PTPRD: variants seen among roughly 807,000 people sequenced by gnomAD.
PTPRD encodes receptor-type tyrosine-protein phosphatase delta.
A neutral mutation model predicts 214.5 loss-of-function variants in PTPRD; 34 were observed. The observed-to-expected ratio is 0.16, with a 90% CI of 0.12 to 0.21. PTPRD has a LOEUF of 0.21. Ranked by LOEUF, PTPRD falls within the 10% of genes least tolerant of loss-of-function variation. The probability of loss-of-function intolerance (pLI) is 1.00; values close to 1 mark genes in which losing one functional copy is unlikely to be tolerated. For missense variants in PTPRD, 2,545 were observed against 2,398.7 expected, an observed-to-expected ratio of 1.06 and a Z score of -1.27; for synonymous variants, 1,128 against 845.7, an observed-to-expected ratio of 1.33 and a Z score of -5.79.
intron 11 of PTPRD, among the ~76,000 whole-genome samples, chr9:8,930,862 C>T (rs1161412803): frequency 6.6e-6 from 1 of 152,062 alleles, no homozygotes; most frequent in African/African-American, 2.4e-5. Context: ...TGGATATTAG[C>T]CCTTTGTCAG....
At chr9:8,329,716 CCCAGGGAGGAGTAAT>C (rs1272062054) in intron 44 of PTPRD, among the ~76,000 whole-genome samples, 2 of 152,054 alleles carry the variant, frequency 1.3e-5, no homozygotes, top group Non-Finnish European at 2.9e-5. Context: ...AGATGCCCTG[CCCAGGGAGGAGTAAT>C]CCAGAGAAGC....
intron 5 of PTPRD, among the ~76,000 whole-genome samples, chr9:9,831,391 G>A (rs147179434): frequency 1.3e-5 from 2 of 151,976 alleles, no homozygotes; most frequent in African/African-American, 4.8e-5. Context: ...GAATTCACAA[G>A]GTTACTACAT....
chr9:9,488,179 G>A (rs758677660), intron 8 of PTPRD, among the ~76,000 whole-genome samples: 5 of 152,110 alleles, frequency 3.3e-5, no homozygotes, highest in African/African-American at 9.7e-5. Context: ...AGATGAATAT[G>A]TATTTCCTTA....
chr9:9,780,410 A>G (rs2181715), intron 5 of PTPRD, among the ~76,000 whole-genome samples: 63,233 of 151,960 alleles, frequency 0.42, 13,360 homozygotes, highest in African/African-American at 0.49. Context: ...AATAAAAGCA[A>G]TTAAAACAAT....
At chr9:9,359,090 T>TA (rs1450844939) in intron 9 of PTPRD, among the ~76,000 whole-genome samples, 1 of 151,410 alleles carries the variant, frequency 6.6e-6, no homozygotes, top group African/African-American at 2.4e-5. Context: ...CTGTGAATAC[T>TA]GGTTGTCATT....
Position 9,595,576 on chromosome 9 carries a change from G to A in PTPRD, c.-286-20795C>T, listed in dbSNP as rs200482480. Among the ~76,000 whole-genome samples, 830 of 113,376 alleles carry A rather than the reference G, an allele frequency of 7.3e-3. 6 individuals are homozygous for A. The highest frequency in any genetic ancestry group is 0.024 in the African/African-American group (774 of 31,638). 74.4% of individuals were successfully genotyped at this position (113,376 alleles called of 152,430 possible). A position where few individuals can be genotyped will look rare whatever the true frequency, so the allele number is the denominator to read the frequency against. ...TGTGTGTGTGTGTGTGTGTGTGTGT[G>A]TATATACATATATATATGATGGAAT... On this transcript the variant is annotated intron_variant, in intron 7 of 45. Transcript: ENST00000381196.
chr9:9,191,166 C>A (rs955679630), intron 9 of PTPRD, among the ~76,000 whole-genome samples: 2 of 152,044 alleles, frequency 1.3e-5, no homozygotes, highest in African/African-American at 4.8e-5. Flanking sequence ...TCTCTTGGAG[C>A]CTTTGGTCTG....
In PTPRD at chr9:8,377,234, T is replaced by A. The variant is rs951602277; in HGVS notation, c.4387-508A>T. 2.3e-4 allele frequency among the ~76,000 whole-genome samples: 35 copies of A among 152,216 alleles called. 1 individual carries two copies. Among genetic ancestry groups the A allele is most frequent in the South Asian group, 6.2e-4 (3 of 4,828 alleles). On this transcript the variant is annotated intron_variant, in intron 37 of 45. Coordinates refer to ENST00000381196, the MANE Select transcript of PTPRD (RefSeq NM_002839.4). ...ACAACATAAGCATGTGCTTTTTTTT[T>A]GAACACAAGATAAATGTTATTTGTA... is the stretch of plus-strand genomic sequence containing the variant.
chr9:10,203,192 T>A (rs1396443512), intron 3 of PTPRD, among the ~76,000 whole-genome samples: 1 of 149,042 alleles, frequency 6.7e-6, no homozygotes, highest in Non-Finnish European at 1.5e-5. Flanking sequence ...TTTTTTAATG[T>A]GAATTGTGAG....
chr9:8,385,906 C>T (rs2086845121), intron 37 of PTPRD, among the ~76,000 whole-genome samples: 1 of 152,088 alleles, frequency 6.6e-6, no homozygotes, highest in South Asian at 2.1e-4. Context: ...CATAATTAAC[C>T]ATGTTCAGGG....
intron 9 of PTPRD, among the ~76,000 whole-genome samples, chr9:9,294,554 T>C (rs969891540): frequency 6.6e-6 from 1 of 151,676 alleles, no homozygotes; most frequent in Admixed American, 6.6e-5. Flanking sequence ...TTTGACAGAT[T>C]AGTGTTCTTA....
At chr9:8,451,827 C>A in intron 33 of PTPRD, 1 of 467,728 alleles carries the variant, frequency 2.1e-6, no homozygotes, top group South Asian at 1.6e-5. Flanking sequence ...TGTGGCTCTG[C>A]CATTCTTGCA....
intron 9 of PTPRD, among the ~76,000 whole-genome samples, chr9:9,278,875 A>G (rs934106423): frequency 6.6e-6 from 1 of 151,334 alleles, no homozygotes; most frequent in Non-Finnish European, 1.5e-5. Context: ...AAACACACAC[A>G]GCATTTTGAT....
At chr9:8,390,304 C>T (rs2089011902) in intron 36 of PTPRD, among the ~76,000 whole-genome samples, 1 of 152,162 alleles carries the variant, frequency 6.6e-6, no homozygotes, top group African/African-American at 2.4e-5. Flanking sequence ...AAACTCATCT[C>T]ATTCCACTCA....
chr9:9,125,250 A>T (rs1347472154), intron 10 of PTPRD, among the ~76,000 whole-genome samples: 1 of 152,088 alleles, frequency 6.6e-6, no homozygotes, highest in Non-Finnish European at 1.5e-5. Context: ...TCCCTGCTTG[A>T]CTTTATATTA....
At chr9:8,671,048 T>A (rs1012748581) in intron 12 of PTPRD, among the ~76,000 whole-genome samples, 1 of 152,112 alleles carries the variant, frequency 6.6e-6, no homozygotes, top group Non-Finnish European at 1.5e-5. Flanking sequence ...ACTGTGGCAA[T>A]AGAGACATTC....
intron 9 of PTPRD, among the ~76,000 whole-genome samples, chr9:9,299,611 T>C (rs1287420224): frequency 6.6e-6 from 1 of 151,804 alleles, no homozygotes; most frequent in African/African-American, 2.4e-5. Context: ...AAAGGTCATA[T>C]GTGCAAGGTC....
intron 5 of PTPRD, among the ~76,000 whole-genome samples, chr9:9,931,466 G>T (rs1217222864): frequency 1.3e-5 from 2 of 152,230 alleles, no homozygotes; most frequent in African/African-American, 4.8e-5. Context: ...AGGGGTGACA[G>T]ATGGCACCTG....
intron 9 of PTPRD, among the ~76,000 whole-genome samples, chr9:9,343,320 G>C (rs576518241): frequency 1.3e-5 from 2 of 152,184 alleles, no homozygotes; most frequent in African/African-American, 4.8e-5. Context: ...TTCCTCAATG[G>C]TTAACTAATT....
Sources: gnomAD v4.1 joint callset for allele counts (sites outside exome capture counted in the v4.1 genomes callset) on GRCh38, gnomAD v4.1.1 for gene constraint, MANE v1.5 for transcripts, NCBI Gene and HGNC (gene_info 2026-07-23, HGNC 2026-07-21) for gene names.